FBXL2: variants seen among roughly 807,000 people sequenced by gnomAD.
FBXL2 encodes F-box/LRR-repeat protein 2.
FBXL2 carries 38 observed loss-of-function variants against 69.2 expected under a neutral mutation model. The ratio of observed to expected loss-of-function variants is 0.55; its 90% CI spans 0.42 to 0.72. FBXL2 has a LOEUF of 0.72. Among genes scored for constraint, FBXL2 ranks in the 30% least tolerant of loss-of-function variants. FBXL2 has a pLI of 0.00. For missense variants in FBXL2, 354 were observed against 520.3 expected (o/e 0.68, Z 3.11); for synonymous variants, 192 against 201.3 (o/e 0.95, Z 0.39).
intron 2 of FBXL2, among the ~76,000 whole-genome samples, chr3:33,318,065 T>A (rs2037865803): frequency 6.6e-6 from 1 of 152,146 alleles, no homozygotes; most frequent in South Asian, 2.1e-4. Flanking sequence ...AGTAGTCTTC[T>A]AATTACCACG....
At chr3:33,312,124 A>G (rs2037262385) in intron 2 of FBXL2, among the ~76,000 whole-genome samples, 1 of 152,048 alleles carries the variant, frequency 6.6e-6, no homozygotes, top group Admixed American at 6.6e-5. Context: ...TGGTGCAATC[A>G]TAGCTCACTA....
At chr3:33,388,448 G>A (rs1477460678), downstream of FBXL2, 1 of 152,520 alleles carries the variant, frequency 6.6e-6, no homozygotes, top group Non-Finnish European at 1.5e-5. Context: ...GTTTCACTGG[G>A]ACAAACTCAC....
chr3:33,406,939 T>C (rs978556887), downstream of FBXL2, among the ~76,000 whole-genome samples: 2 of 152,218 alleles, frequency 1.3e-5, no homozygotes, highest in African/African-American at 4.8e-5. Context: ...TGTGGCACCA[T>C]TTCATTCGGC....
At chr3:33,339,452 C>G (rs2039845062) in intron 2 of FBXL2, among the ~76,000 whole-genome samples, 1 of 152,138 alleles carries the variant, frequency 6.6e-6, no homozygotes, top group Non-Finnish European at 1.5e-5. Context: ...AATTCAGGAA[C>G]ACAGAACCAA....
intron 13 of FBXL2, 185 bp from the exon 14 acceptor site, chr3:33,383,804 G>A (rs2043218909): frequency 1.7e-6 from 1 of 591,256 alleles, no homozygotes; most frequent in Non-Finnish European, 3.0e-6. Flanking sequence ...TGGATAATTT[G>A]TAATGAACAG....
chr3:33,338,095 C>G (rs967506234), intron 2 of FBXL2, among the ~76,000 whole-genome samples: 1 of 151,790 alleles, frequency 6.6e-6, no homozygotes, highest in East Asian at 1.9e-4. Context: ...TTTTTTTTCA[C>G]AGAATTAGAA....
At chr3:33,411,486 G>C in the FBXL2 span, 3 of 1,032,294 alleles carry the variant, frequency 2.9e-6, no homozygotes, top group Non-Finnish European at 4.5e-6. Flanking sequence ...TTTATAAATA[G>C]ACATTTAAAG....
At chr3:33,381,323 C>T (rs542421908) in intron 13 of FBXL2, among the ~76,000 whole-genome samples, 11 of 152,300 alleles carry the variant, frequency 7.2e-5, no homozygotes, top group East Asian at 3.9e-4. Context: ...TAAATATACA[C>T]GTATATACGT....
At chr3:33,390,472 G>A, downstream of FBXL2, 1 of 1,216,866 alleles carries the variant, frequency 8.2e-7, no homozygotes, top group South Asian at 1.3e-5. Flanking sequence ...CCAATTCAGA[G>A]GTTACCTTTA....
chr3:33,286,365 C>T (rs561390170), intron 1 of FBXL2, among the ~76,000 whole-genome samples: 34 of 152,310 alleles, frequency 2.2e-4, no homozygotes, highest in African/African-American at 7.0e-4. Flanking sequence ...TATTGCAGAA[C>T]GGCAAATGTT....
chr3:33,408,884 T>C, the FBXL2 span: 3 of 1,168,712 alleles, frequency 2.6e-6, no homozygotes, highest in African/African-American at 1.5e-5. Context: ...TTCAGTCCAA[T>C]TAAACAAATG....
At chr3:33,329,351 G>A (rs2038970355) in intron 2 of FBXL2, among the ~76,000 whole-genome samples, 1 of 152,132 alleles carries the variant, frequency 6.6e-6, no homozygotes, top group Admixed American at 6.6e-5. Flanking sequence ...ATGGAGAACA[G>A]TATGGAGGTT....
At chr3:33,419,306 C>T in the FBXL2 span, among the ~76,000 whole-genome samples, 1 of 152,136 alleles carries the variant, frequency 6.6e-6, no homozygotes, top group East Asian at 1.9e-4. Context: ...ACCAGCCTGA[C>T]CAACATGGTG....
chr3:33,386,485 A>G lies in FBXL2; in HGVS notation c.*877A>G, dbSNP rs1202407927. ...AATGGATGCATGTAAAATGGATGTG[A>G]TTTTTTTTCAAGCTTATTTTGAAAT... On this transcript the variant is annotated 3_prime_UTR_variant, in exon 15 of 15. Coordinates refer to ENST00000484457, the MANE Select transcript of FBXL2 (RefSeq NM_012157.5). 2.6e-5 allele frequency: 4 copies of G among 152,098 alleles called. No individual in the cohort carries two copies. Among genetic ancestry groups the G allele is most frequent in the African/African-American group, 9.7e-5 (4 of 41,414 alleles). The allele number at this position is 152,098 out of a possible 1,614,324, so 9.4% of individuals were successfully genotyped here. A position where few individuals can be genotyped will look rare whatever the true frequency, so the allele number is the denominator to read the frequency against.
In FBXL2 at chr3:33,386,174, G is replaced by A. The variant is rs1211980183; in HGVS notation, c.*566G>A. ...GGAAGGCATGTTAATAGGTTTCCAT[G>A]AGACACCAAAGAAAAGAGGACTCTA... is the stretch of plus-strand genomic sequence containing the variant. On this transcript the variant is annotated 3_prime_UTR_variant, in exon 15 of 15. Transcript: ENST00000484457. The A allele has an allele frequency of 1.3e-5, 2 of 158,878 alleles. No individual in the cohort carries two copies. The highest frequency in any genetic ancestry group is 4.8e-5 in the African/African-American group (2 of 41,424). 9.8% of individuals were successfully genotyped at this position (158,878 alleles called of 1,614,324 possible). A position where few individuals can be genotyped will look rare whatever the true frequency, so the allele number is the denominator to read the frequency against.
chr3:33,355,255 C>T (rs534658217), intron 2 of FBXL2, among the ~76,000 whole-genome samples: 17 of 152,108 alleles, frequency 1.1e-4, no homozygotes, highest in East Asian at 3.9e-4. Flanking sequence ...TTAATAAGAA[C>T]GTCAAATAAC....
intron 5 of FBXL2, among the ~76,000 whole-genome samples, chr3:33,370,756 C>T (rs1264818079): frequency 1.3e-5 from 2 of 152,284 alleles, no homozygotes; most frequent in South Asian, 2.1e-4. Context: ...GCTGGGACTA[C>T]AGGCACACAC....
chr3:33,397,071 A>C (rs760760385), intron 12 of FBXL2: 1 of 1,602,940 alleles, frequency 6.2e-7, no homozygotes, highest in South Asian at 1.1e-5. Flanking sequence ...TATAGAGCCG[A>C]ATTCCATCGG....
At chr3:33,297,071 C>G (rs779150228) in intron 1 of FBXL2, among the ~76,000 whole-genome samples, 45 of 152,228 alleles carry the variant, frequency 3.0e-4, no homozygotes, top group Middle Eastern at 3.4e-3. Context: ...TTTTTCTCAA[C>G]AATGTATTGT....
Sources: gnomAD v4.1 joint callset for allele counts (sites outside exome capture counted in the v4.1 genomes callset) on GRCh38, gnomAD v4.1.1 for gene constraint, MANE v1.5 for transcripts, NCBI Gene and HGNC (gene_info 2026-07-23, HGNC 2026-07-21) for gene names.